RCAN2: variants seen among roughly 807,000 people sequenced by gnomAD.
RCAN2 encodes calcipressin-2.
In RCAN2, 9 loss-of-function variants were observed where a neutral mutation model predicts 23.6. The observed-to-expected ratio is 0.38, with a 90% confidence interval of 0.23 to 0.67. RCAN2 has a LOEUF of 0.67. Ranked by LOEUF, RCAN2 falls within the 30% of genes least tolerant of loss-of-function variation. RCAN2 has a pLI of 0.51. For missense variants in RCAN2, 273 were observed against 302.3 expected, an observed-to-expected ratio of 0.90 and a Z score of 0.72; for synonymous variants, 109 against 115.7, an observed-to-expected ratio of 0.94 and a Z score of 0.37.
chr6:46,407,814 G>C (rs1012076957), intron 2 of RCAN2, among the ~76,000 whole-genome samples: 1 of 152,168 alleles, frequency 6.6e-6, no homozygotes, highest in Non-Finnish European at 1.5e-5. Context: ...ATTTTGCTAT[G>C]CAGCAGACCT....
intron 2 of RCAN2, among the ~76,000 whole-genome samples, chr6:46,275,198 T>C (rs1767654492): frequency 6.6e-6 from 1 of 151,850 alleles, no homozygotes; most frequent in African/African-American, 2.4e-5. Flanking sequence ...TCAGGAATCA[T>C]GTGTAAGTGT....
chr6:46,381,295 C>T lies in RCAN2; in HGVS notation c.225+75457G>A, dbSNP rs537433900. On this transcript the variant is annotated intron_variant, in intron 2 of 4. Coordinates refer to ENST00000371374, the MANE Select transcript of RCAN2 (RefSeq NM_001251974.2). ...TACAATGGAAAGATCCCACCTCTGC[C>T]CCATGCAACCTTGGGCAAGTCACTT... 5.3e-5 allele frequency among the ~76,000 whole-genome samples: 8 copies of T among 152,268 alleles called. No individual in the cohort carries two copies. In the East Asian group the frequency reaches 1.5e-3, roughly 29 times the overall value.
At chr6:46,262,377 A>G (rs1333549285) in intron 2 of RCAN2, among the ~76,000 whole-genome samples, 3 of 151,936 alleles carry the variant, frequency 2.0e-5, no homozygotes, top group Non-Finnish European at 2.9e-5. Context: ...GGCTTACCCT[A>G]TGACTGCACT....
Position 46,433,287 on chromosome 6 carries a change from T to C in RCAN2, c.225+23465A>G, listed in dbSNP as rs1392929013. Among the ~76,000 whole-genome samples, 4 of 152,264 alleles carry C rather than the reference T, an allele frequency of 2.6e-5. No homozygotes were observed. The East Asian group carries it at 7.7e-4, about 29-fold the overall frequency. ...ATAGTATAACCAGTGGTATGCTGGT[T>C]AGCAGCTCTCAGCAGGTGTTAGACA... On this transcript the variant is annotated intron_variant, in intron 2 of 4. Coordinates refer to ENST00000371374, the MANE Select transcript of RCAN2 (RefSeq NM_001251974.2).
intron 2 of RCAN2, among the ~76,000 whole-genome samples, chr6:46,260,530 G>T (rs1345063): frequency 0.77 from 117,778 of 152,042 alleles, 45,925 homozygotes; most frequent in Non-Finnish European, 0.81. Flanking sequence ...CAATAAGTAG[G>T]GGCAGGTGAC....
intron 1 of RCAN2, among the ~76,000 whole-genome samples, chr6:46,486,569 A>G (rs1225405417): frequency 6.6e-6 from 1 of 152,252 alleles, no homozygotes; most frequent in East Asian, 1.9e-4. Flanking sequence ...TACATGATAT[A>G]ATAAAGCAAT....
chr6:46,374,114 C>G (rs1001397719), intron 2 of RCAN2, among the ~76,000 whole-genome samples: 3 of 152,204 alleles, frequency 2.0e-5, no homozygotes, highest in African/African-American at 7.2e-5. Context: ...TTGATTTCTC[C>G]ATGGTATAGC....
At chr6:46,433,944 G>T (rs933757919) in intron 2 of RCAN2, among the ~76,000 whole-genome samples, 5 of 152,154 alleles carry the variant, frequency 3.3e-5, no homozygotes, top group Non-Finnish European at 7.3e-5. Context: ...GGTGGAGCGG[G>T]TAAGTGCCCA....
At chr6:46,450,781 G>A (rs1767855468) in intron 2 of RCAN2, among the ~76,000 whole-genome samples, 2 of 152,010 alleles carry the variant, frequency 1.3e-5, no homozygotes, top group African/African-American at 4.8e-5. Context: ...CCAGGGGCTG[G>A]GAAGTTGTTG....
chr6:46,344,735 G>C (rs994758806), intron 2 of RCAN2, among the ~76,000 whole-genome samples: 2 of 151,800 alleles, frequency 1.3e-5, no homozygotes, highest in African/African-American at 4.8e-5. Flanking sequence ...GTTCACAAGA[G>C]GGATCAAATG....
intron 2 of RCAN2, among the ~76,000 whole-genome samples, chr6:46,385,429 T>C (rs1765715532): frequency 6.6e-6 from 1 of 152,216 alleles, no homozygotes; most frequent in Non-Finnish European, 1.5e-5. Flanking sequence ...ATGCAAAACC[T>C]AAAAACAAGC....
intron 2 of RCAN2, among the ~76,000 whole-genome samples, chr6:46,300,001 T>C (rs1023280121): frequency 6.6e-6 from 1 of 151,888 alleles, no homozygotes; most frequent in Non-Finnish European, 1.5e-5. Context: ...TTATTAAAAG[T>C]ATATATAGTA....
At chr6:46,440,838 A>G (rs946896687) in intron 2 of RCAN2, among the ~76,000 whole-genome samples, 1 of 152,206 alleles carries the variant, frequency 6.6e-6, no homozygotes, top group African/African-American at 2.4e-5. Flanking sequence ...CGTGAACCTT[A>G]TATGGGAAAC....
chr6:46,295,913 A>G (rs1762709837), intron 2 of RCAN2, among the ~76,000 whole-genome samples: 1 of 151,968 alleles, frequency 6.6e-6, no homozygotes, highest in Non-Finnish European at 1.5e-5. Flanking sequence ...ATGAAAGTGG[A>G]AGGATGGAAG....
chr6:46,302,831 T>C (rs1354566808), intron 2 of RCAN2, among the ~76,000 whole-genome samples: 1 of 152,004 alleles, frequency 6.6e-6, no homozygotes, highest in Non-Finnish European at 1.5e-5. Flanking sequence ...CAACAAAAAT[T>C]CTGAGGAGTT....
intron 2 of RCAN2, among the ~76,000 whole-genome samples, chr6:46,414,043 G>A (rs1465998178): frequency 6.6e-6 from 1 of 152,146 alleles, no homozygotes; most frequent in East Asian, 1.9e-4. Flanking sequence ...GGAGGTGGGA[G>A]TAATGGGCCA....
At chr6:46,409,283 G>T (rs1251844551) in intron 2 of RCAN2, among the ~76,000 whole-genome samples, 1 of 151,994 alleles carries the variant, frequency 6.6e-6, no homozygotes, top group African/African-American at 2.4e-5. Context: ...CATTTAGTAA[G>T]TATGGAAGGG....
chr6:46,450,105 CA>C (rs1193127528), intron 2 of RCAN2, among the ~76,000 whole-genome samples: 1 of 151,566 alleles, frequency 6.6e-6, no homozygotes, highest in African/African-American at 2.4e-5. Flanking sequence ...AACTCAACTG[CA>C]AAAAAACAAA....
intron 1 of RCAN2, among the ~76,000 whole-genome samples, chr6:46,481,570 C>T (rs1220073701): frequency 1.3e-5 from 2 of 152,122 alleles, no homozygotes; most frequent in South Asian, 2.1e-4. Context: ...CTCTTCATAT[C>T]TGAAAATTGT....
Sources: allele counts gnomAD v4.1 joint callset (sites outside exome capture counted in the v4.1 genomes callset), GRCh38; gene constraint gnomAD v4.1.1; transcripts MANE v1.5; gene names NCBI Gene and HGNC (gene_info 2026-07-23, HGNC 2026-07-21).